The following PTBP3 variants were observed in gnomAD, a reference collection of about 807,000 sequenced individuals.
PTBP3 encodes polypyrimidine tract binding protein 3, also known as polypyrimidine tract-binding protein 3.
In PTBP3, 20 loss-of-function variants were observed where a neutral mutation model predicts 58.7. The observed-to-expected ratio is 0.34, with a 90% CI of 0.24 to 0.50. PTBP3 has a LOEUF of 0.50. PTBP3 is among the 20% of genes least tolerant of loss of function. The pLI, the probability that PTBP3 is intolerant of heterozygous loss-of-function variation, is 0.98. For synonymous variants in PTBP3, 185 were observed against 219.8 expected (o/e 0.84, Z 1.40); for missense variants, 509 against 637.2 (o/e 0.80, Z 2.17).
At chr9:112,267,965 A>T in intron 4 of PTBP3, 84 bp downstream of exon 4, 7 of 1,268,066 alleles carry the variant, frequency 5.5e-6, no homozygotes, top group Non-Finnish European at 7.4e-6. Flanking sequence ...ATAAAAGCAC[A>T]TAATTTTTCT....
chr9:112,217,870 C>T (rs1834675119), downstream of PTBP3: 1 of 152,186 alleles, frequency 6.6e-6, no homozygotes, highest in South Asian at 2.1e-4. Context: ...TAAGTCTAGA[C>T]TTCTGCAATC....
At chr9:112,297,773 G>A in intron 2 of PTBP3, 59 bp downstream of exon 2, 1 of 1,358,208 alleles carries the variant, frequency 7.4e-7, no homozygotes, top group South Asian at 1.3e-5. Context: ...TAAGAGCATT[G>A]TAAAAAAACA....
chr9:112,323,346 T>C (rs993802173), intron 1 of PTBP3, among the ~76,000 whole-genome samples: 1 of 152,178 alleles, frequency 6.6e-6, no homozygotes. Flanking sequence ...ATAAAACCAA[T>C]GCCATCCCCC....
intron 1 of PTBP3, among the ~76,000 whole-genome samples, chr9:112,302,582 C>CTTTTTTTTTTTTTTTTT (rs369208342): frequency 4.2e-4 from 46 of 110,488 alleles, no homozygotes; most frequent in African/African-American, 1.4e-3. Flanking sequence ...TATTCTTCAT[C>CTTTTTTTTTTTTTTTTT]TTTTTTTTTT....
chr9:112,255,528 CCTT>C (rs1415554205), intron 5 of PTBP3, among the ~76,000 whole-genome samples: 2 of 152,058 alleles, frequency 1.3e-5, no homozygotes, highest in Admixed American at 1.3e-4. Flanking sequence ...GTCTGACCTC[CCTT>C]CTTCATTACT....
chr9:112,235,592 G>T (rs1049153398), intron 7 of PTBP3, among the ~76,000 whole-genome samples: 1 of 152,048 alleles, frequency 6.6e-6, no homozygotes, highest in Non-Finnish European at 1.5e-5. Flanking sequence ...TTTGGTTTGG[G>T]GGAACATCAA....
chr9:112,324,241 G>C (rs1830064209), intron 1 of PTBP3, among the ~76,000 whole-genome samples: 1 of 152,066 alleles, frequency 6.6e-6, no homozygotes, highest in Non-Finnish European at 1.5e-5. Flanking sequence ...CAATGGACCT[G>C]CGAAAAGTTT....
chr9:112,360,776 C>A, the PTBP3 span, among the ~76,000 whole-genome samples: 1 of 151,690 alleles, frequency 6.6e-6, no homozygotes, highest in Non-Finnish European at 1.5e-5. Context: ...AGGTTAGAAT[C>A]AACTTTTTTT....
chr9:112,336,132 C>T (rs1323934397), upstream of PTBP3, among the ~76,000 whole-genome samples: 2 of 152,056 alleles, frequency 1.3e-5, no homozygotes, highest in Non-Finnish European at 2.9e-5. Context: ...CCTCGGCCTC[C>T]CAAAGTGCTG....
chr9:112,375,516 G>T, the PTBP3 span, among the ~76,000 whole-genome samples: 1 of 152,160 alleles, frequency 6.6e-6, no homozygotes, highest in Non-Finnish European at 1.5e-5. Flanking sequence ...TGTGAACCGG[G>T]CCCTAGTCTT....
intron 2 of PTBP3, among the ~76,000 whole-genome samples, chr9:112,283,623 T>C (rs1018775425): frequency 6.6e-6 from 1 of 152,200 alleles, no homozygotes; most frequent in African/African-American, 2.4e-5. Context: ...AAAAATCCAT[T>C]TTCTGGGGAG....
the PTBP3 span, among the ~76,000 whole-genome samples, chr9:112,370,917 G>A: frequency 2.6e-5 from 4 of 151,418 alleles, no homozygotes; most frequent in African/African-American, 9.7e-5. Flanking sequence ...TTTCCTTTTT[G>A]GATTATTTAT....
rs144214544 is a variant in PTBP3, at chr9:112,236,619, C to T, written c.803-1722G>A. Reference sequence around the variant, plus strand: ...TTATTGTTGCCAAATATTCACTTGCCCCCTTCTATATAACTGGCCAAACAT... The same window carrying T: ...TTATTGTTGCCAAATATTCACTTGCTCCCTTCTATATAACTGGCCAAACAT... On this transcript the variant is annotated intron_variant, in intron 7 of 13. Transcript: ENST00000374257. 2.3e-3 allele frequency among the ~76,000 whole-genome samples: 344 copies of T among 152,158 alleles called. 2 individuals are homozygous for T. Among genetic ancestry groups the T allele is most frequent in the African/African-American group, 7.9e-3 (330 of 41,518 alleles).
At chr9:112,318,627 G>A (rs989486535) in intron 1 of PTBP3, among the ~76,000 whole-genome samples, 2 of 151,908 alleles carry the variant, frequency 1.3e-5, no homozygotes, top group Non-Finnish European at 2.9e-5. Context: ...GGGCATGGTA[G>A]CACACACCTG....
At chr9:112,243,302 G>T (rs552995276) in intron 7 of PTBP3, among the ~76,000 whole-genome samples, 1 of 151,954 alleles carries the variant, frequency 6.6e-6, no homozygotes, top group Admixed American at 6.6e-5. Flanking sequence ...GTATTTTGGG[G>T]GACCAAGGTG....
the PTBP3 span, among the ~76,000 whole-genome samples, chr9:112,371,639 T>A: frequency 7.4e-6 from 1 of 135,650 alleles, no homozygotes; most frequent in Non-Finnish European, 1.5e-5. Flanking sequence ...GGAGAAGTTT[T>A]TAGTAGATTT....
chr9:112,227,738 T>C (rs1008615040), intron 11 of PTBP3, 111 bp from the exon 12 acceptor site: 33 of 844,336 alleles, frequency 3.9e-5, no homozygotes, highest in Non-Finnish European at 5.6e-5. Context: ...AACTGTATTA[T>C]CAGTTTGAGG....
In PTBP3 at chr9:112,263,837, G is replaced by A. The variant is rs191230155; in HGVS notation, c.352-1238C>T. 2.4e-4 allele frequency among the ~76,000 whole-genome samples: 36 copies of A among 152,256 alleles called. No individual in the cohort carries two copies. In the East Asian group the frequency reaches 6.9e-3, roughly 29 times the overall value. ...CTAAAAATATTGGACAGGAAAGAAG[G>A]ACCAGAGTGGCATCTTATTCTCAAA... On this transcript the variant is annotated intron_variant, in intron 4 of 13. Transcript: ENST00000374257.
At chr9:112,324,647 C>T (rs1235891648) in intron 1 of PTBP3, among the ~76,000 whole-genome samples, 1 of 131,972 alleles carries the variant, frequency 7.6e-6, no homozygotes, top group Non-Finnish European at 1.6e-5. Flanking sequence ...GAGACTACCT[C>T]TTTTTTTTTT....
Sources: gnomAD v4.1 joint callset for allele counts (sites outside exome capture counted in the v4.1 genomes callset) on GRCh38, gnomAD v4.1.1 for gene constraint, MANE v1.5 for transcripts, NCBI Gene and HGNC (gene_info 2026-07-23, HGNC 2026-07-21) for gene names.